Variants in FOCAD observed in about 807,000 individuals in gnomAD.
FOCAD encodes KIAA1797.
In FOCAD, 198 loss-of-function variants were observed where a neutral mutation model predicts 225.6. The ratio of observed to expected loss-of-function variants is 0.88; its 90% CI spans 0.78 to 0.99. The LOEUF is 0.99. Ranked by LOEUF, FOCAD falls within the 50% of genes least tolerant of loss-of-function variation. The pLI is 0.00. For synonymous variants in FOCAD, 897 were observed against 755.0 expected (o/e 1.19, Z -3.08); for missense variants, 2,713 against 2,123.6 (o/e 1.28, Z -5.46).
Position 20,740,356 on chromosome 9 carries a change from GT to G in FOCAD, c.392+26del, listed in dbSNP as rs57561334. On this transcript the variant is annotated intron_variant, in intron 5 of 43. Coordinates refer to ENST00000338382, the MANE Select transcript of FOCAD (RefSeq NM_001375567.1). ...ATACCATTAGGTAAGCCTTTTTTCT[GT>G]TTTTTTTTTAAACAAATATGAATTT... 21,170 of 1,213,502 alleles carry G rather than the reference GT, an allele frequency of 0.017. 210 individuals are homozygous for G. The highest frequency in any genetic ancestry group is 0.018 in the Non-Finnish European group (16,000 of 866,762). 75.2% of individuals were successfully genotyped at this position (1,213,502 alleles called of 1,614,324 possible). A position where few individuals can be genotyped will look rare whatever the true frequency, so the allele number is the denominator to read the frequency against.
At chr9:20,748,967 G>C (rs1442599578) in intron 5 of FOCAD, among the ~76,000 whole-genome samples, 2 of 152,040 alleles carry the variant, frequency 1.3e-5, no homozygotes, top group Non-Finnish European at 1.5e-5. Context: ...ATGTCTTTAA[G>C]GCCACAAAAA....
At chr9:20,793,393 G>A (rs961335266) in intron 11 of FOCAD, among the ~76,000 whole-genome samples, 5 of 152,306 alleles carry the variant, frequency 3.3e-5, no homozygotes, top group African/African-American at 9.6e-5. Context: ...TTTCCCGGTT[G>A]TGTGCAAAAA....
intron 15 of FOCAD, among the ~76,000 whole-genome samples, chr9:20,830,074 C>G (rs1391127276): frequency 6.6e-6 from 1 of 151,966 alleles, no homozygotes; most frequent in Non-Finnish European, 1.5e-5. Context: ...CTAGGTCTGT[C>G]TTAATACAGT....
At chr9:20,687,268 G>T (rs965961162) in intron 1 of FOCAD, among the ~76,000 whole-genome samples, 1 of 152,042 alleles carries the variant, frequency 6.6e-6, no homozygotes, top group Admixed American at 6.6e-5. Context: ...CTTTTTACTT[G>T]CCCGGGGACC....
At chr9:20,952,800 A>G (rs1837802485) in intron 34 of FOCAD, among the ~76,000 whole-genome samples, 185 bp from the exon 35 acceptor site, 1 of 152,056 alleles carries the variant, frequency 6.6e-6, no homozygotes, top group Non-Finnish European at 1.5e-5. Context: ...AGCTTAAGTG[A>G]TTACTTCAAG....
rs554940688 is a variant in FOCAD at position 20,931,483 on chromosome 9, G to A, written c.3318-1531G>A. On this transcript the variant is annotated intron_variant, in intron 27 of 43. Transcript: ENST00000338382. The stretch of plus-strand genomic sequence containing the variant: ...ATACTAATAAATTTTTTACCAGGTA[G>A]TAACAATGCTAACAGAGAATTTCAT... 1.6e-3 allele frequency among the ~76,000 whole-genome samples: 240 copies of A among 152,252 alleles called. 3 individuals carry two copies. Among genetic ancestry groups the A allele is most frequent in the African/African-American group, 5.5e-3 (229 of 41,530 alleles).
chr9:20,674,878 T>TC (rs1241239971), intron 2 of FOCAD, among the ~76,000 whole-genome samples: 10 of 152,078 alleles, frequency 6.6e-5, no homozygotes, highest in Non-Finnish European at 8.8e-5. Flanking sequence ...CTTCAAAATT[T>TC]CCCCCCAATA....
intron 15 of FOCAD, among the ~76,000 whole-genome samples, chr9:20,857,785 GTTTTT>G (rs35820198): frequency 9.4e-6 from 1 of 106,044 alleles, no homozygotes; most frequent in African/African-American, 3.0e-5. Context: ...TTTTTTTTGA[GTTTTT>G]TTTTTTATCA....
chr9:20,948,561 C>A (rs1050054026), intron 31 of FOCAD, among the ~76,000 whole-genome samples, 168 bp downstream of exon 31: 2 of 152,138 alleles, frequency 1.3e-5, no homozygotes, highest in African/African-American at 4.8e-5. Flanking sequence ...ATAATGCATT[C>A]TGCCAACTAT....
At chr9:20,790,369 G>C (rs1359671848) in intron 11 of FOCAD, among the ~76,000 whole-genome samples, 11 of 151,926 alleles carry the variant, frequency 7.2e-5, no homozygotes, top group Non-Finnish European at 1.5e-4. Flanking sequence ...ATCTGTGCTT[G>C]TGTTTCTTTT....
intron 20 of FOCAD, among the ~76,000 whole-genome samples, chr9:20,882,527 G>C (rs748906311): frequency 6.6e-6 from 1 of 152,054 alleles, no homozygotes; most frequent in Admixed American, 6.5e-5. Flanking sequence ...CTAGGAGAAT[G>C]GGCTTGAAAA....
intron 1 of FOCAD, among the ~76,000 whole-genome samples, chr9:20,710,361 C>T (rs1824739015): frequency 2.6e-5 from 4 of 150,962 alleles, no homozygotes; most frequent in Middle Eastern, 3.2e-3. Context: ...TTTGGGAGGC[C>T]GAGATGGGCA....
chr9:20,791,533 G>C (rs2131196542), intron 11 of FOCAD, among the ~76,000 whole-genome samples: 1 of 152,218 alleles, frequency 6.6e-6, no homozygotes, highest in East Asian at 1.9e-4. Flanking sequence ...ATTACCTCTA[G>C]TATTTAGAAC....
chr9:20,773,897 A>G (rs919126822), intron 8 of FOCAD, among the ~76,000 whole-genome samples: 12 of 152,156 alleles, frequency 7.9e-5, no homozygotes, highest in African/African-American at 2.7e-4. Context: ...TGCCTGGGCC[A>G]CAGACTGGTA....
chr9:20,731,152 C>T (rs1425362651), intron 4 of FOCAD, among the ~76,000 whole-genome samples: 3 of 152,060 alleles, frequency 2.0e-5, no homozygotes, highest in African/African-American at 4.8e-5. Flanking sequence ...GCAGGAGAAT[C>T]TCTCGAACCC....
intron 27 of FOCAD, 65 bp from the exon 28 acceptor site, chr9:20,932,949 A>G: frequency 1.8e-6 from 2 of 1,121,834 alleles, no homozygotes; most frequent in South Asian, 2.5e-5. Context: ...ATAATATTGT[A>G]TTCAGTATTT....
chr9:20,785,479 A>G (rs1563987420), intron 10 of FOCAD, among the ~76,000 whole-genome samples: 1 of 152,008 alleles, frequency 6.6e-6, no homozygotes, highest in Non-Finnish European at 1.5e-5. Flanking sequence ...TATTCTAGAC[A>G]TTTCCTTCAA....
At chr9:20,726,484 T>G (rs1371603605) in intron 4 of FOCAD, 1 of 152,210 alleles carries the variant, frequency 6.6e-6, no homozygotes, top group East Asian at 1.9e-4. Flanking sequence ...TTTGTATGCC[T>G]TTTGTGCTCT....
intron 6 of FOCAD, among the ~76,000 whole-genome samples, chr9:20,759,943 C>G (rs1312582657): frequency 3.9e-5 from 6 of 152,312 alleles, no homozygotes; most frequent in East Asian, 1.9e-4. Flanking sequence ...CAGATAGCCA[C>G]CATATGTGCA....
Sources: gnomAD v4.1 joint callset for allele counts (sites outside exome capture counted in the v4.1 genomes callset) on GRCh38, gnomAD v4.1.1 for gene constraint, MANE v1.5 for transcripts, NCBI Gene and HGNC (gene_info 2026-07-23, HGNC 2026-07-21) for gene names.